Variants in CSMD1 observed in about 807,000 individuals in gnomAD.
CSMD1 encodes CUB and Sushi multiple domains 1, also known as CUB and sushi domain-containing protein 1.
In CSMD1, 213 loss-of-function variants were observed where a neutral mutation model predicts 417.5. The observed-to-expected ratio is 0.51, with a 90% CI of 0.46 to 0.57. The LOEUF (loss-of-function observed/expected upper bound fraction) is 0.57, where lower values mean the gene tolerates loss of function less well. CSMD1 is among the 20% of genes least tolerant of loss of function. The pLI, the probability that CSMD1 is intolerant of heterozygous loss-of-function variation, is 0.00. For missense variants in CSMD1, 6,923 were observed against 4,529.7 expected, an observed-to-expected ratio of 1.53 and a Z score of -15.17; for synonymous variants, 2,862 against 1,736.8, an observed-to-expected ratio of 1.65 and a Z score of -16.11.
At chr8:3,483,237 A>G (rs2117253179) in intron 11 of CSMD1, among the ~76,000 whole-genome samples, 1 of 152,226 alleles carries the variant, frequency 6.6e-6, no homozygotes, top group Non-Finnish European at 1.5e-5. Context: ...AGAAAGTCAG[A>G]AAAAGAGAAA....
rs62489452 is a variant in CSMD1 at position 4,974,288 on chromosome 8, A to G, written c.85+20044T>C. 5.0e-3 allele frequency among the ~76,000 whole-genome samples: 757 copies of G among 152,154 alleles called. 3 individuals carry two copies. Among genetic ancestry groups the G allele is most frequent in the Middle Eastern group, 0.014 (4 of 294 alleles). On this transcript the variant is annotated intron_variant, in intron 1 of 69. Coordinates refer to ENST00000635120, the MANE Select transcript of CSMD1 (RefSeq NM_033225.6). ...TGATCCACCTGTCTCCACCTCCCAA[A>G]GTGCTGGGATTACAGGCGCAAGATT... is the stretch of plus-strand genomic sequence containing the variant.
intron 3 of CSMD1, among the ~76,000 whole-genome samples, chr8:4,153,537 C>G (rs186167471): frequency 9.8e-5 from 15 of 152,344 alleles, no homozygotes; most frequent in African/African-American, 3.4e-4. Flanking sequence ...CAGCTGGTCC[C>G]TCGTCAGCAG....
intron 5 of CSMD1, among the ~76,000 whole-genome samples, chr8:3,925,557 C>T (rs1364098090): frequency 6.6e-6 from 1 of 152,118 alleles, no homozygotes; most frequent in Admixed American, 6.5e-5. Flanking sequence ...GTGAGAGGGA[C>T]CCACGGTGAG....
At chr8:4,556,772 C>A (rs1043909151) in intron 2 of CSMD1, among the ~76,000 whole-genome samples, 1 of 152,136 alleles carries the variant, frequency 6.6e-6, no homozygotes, top group East Asian at 1.9e-4. Context: ...CAAAATGATC[C>A]AAAACACCCA....
At chr8:4,561,624 G>A (rs1214862680) in intron 2 of CSMD1, among the ~76,000 whole-genome samples, 1 of 152,192 alleles carries the variant, frequency 6.6e-6, no homozygotes, top group Non-Finnish European at 1.5e-5. Flanking sequence ...TGAGGCCGCA[G>A]TGAGCCATGA....
chr8:3,923,405 T>C (rs1809418975), intron 5 of CSMD1, among the ~76,000 whole-genome samples: 1 of 152,034 alleles, frequency 6.6e-6, no homozygotes, highest in Non-Finnish European at 1.5e-5. Flanking sequence ...TTTGCTTATT[T>C]TGTCAATTTG....
intron 10 of CSMD1, among the ~76,000 whole-genome samples, chr8:3,573,997 A>G (rs1329229081): frequency 6.6e-6 from 1 of 152,202 alleles, no homozygotes; most frequent in Admixed American, 6.5e-5. Flanking sequence ...AGCCAATGAA[A>G]CATGATTATG....
chr8:3,638,211 A>G (rs2117297065), intron 7 of CSMD1, among the ~76,000 whole-genome samples: 1 of 152,302 alleles, frequency 6.6e-6, no homozygotes, highest in South Asian at 2.1e-4. Flanking sequence ...CTTGGAGTTC[A>G]GAACTGGGCT....
At chr8:3,451,046 T>G (rs1326624019) in intron 12 of CSMD1, among the ~76,000 whole-genome samples, 7 of 152,250 alleles carry the variant, frequency 4.6e-5, no homozygotes, top group Non-Finnish European at 1.0e-4. Context: ...GGTTTTGATT[T>G]GCATTTCTCT....
intron 20 of CSMD1, among the ~76,000 whole-genome samples, chr8:3,364,302 T>C (rs1330878986): frequency 6.6e-6 from 1 of 152,244 alleles, no homozygotes; most frequent in Non-Finnish European, 1.5e-5. Context: ...TCCAAAGTGT[T>C]GTCTTTTGTT....
At chr8:3,629,063 T>G (rs1435983227) in intron 7 of CSMD1, among the ~76,000 whole-genome samples, 1 of 152,104 alleles carries the variant, frequency 6.6e-6, no homozygotes, top group Non-Finnish European at 1.5e-5. Flanking sequence ...AACAGACAGT[T>G]ATCGACACAA....
At chr8:3,400,046 C>G (rs530573269) in intron 15 of CSMD1, among the ~76,000 whole-genome samples, 225 of 152,238 alleles carry the variant, frequency 1.5e-3, no homozygotes, top group South Asian at 4.6e-3. Context: ...ACAAAATGTT[C>G]AATCAAATTT....
At chr8:2,964,365 G>T (rs928189362) in intron 59 of CSMD1, among the ~76,000 whole-genome samples, 2 of 152,226 alleles carry the variant, frequency 1.3e-5, no homozygotes, top group African/African-American at 4.8e-5. Context: ...AGACCCCACA[G>T]CGAGGGCTGG....
intron 5 of CSMD1, among the ~76,000 whole-genome samples, chr8:3,978,637 G>A (rs1251764033): frequency 6.6e-6 from 1 of 152,114 alleles, no homozygotes; most frequent in African/African-American, 2.4e-5. Context: ...CGTCGCTGCT[G>A]TCTCTCCACC....
At chr8:4,332,736 C>G (rs183151654) in intron 3 of CSMD1, among the ~76,000 whole-genome samples, 1 of 151,962 alleles carries the variant, frequency 6.6e-6, no homozygotes, top group East Asian at 1.9e-4. Flanking sequence ...GTGTGAGTTA[C>G]CATTCTTAGA....
chr8:3,919,024 T>G (rs906312713), intron 5 of CSMD1, among the ~76,000 whole-genome samples: 1 of 151,978 alleles, frequency 6.6e-6, no homozygotes, highest in Non-Finnish European at 1.5e-5. Context: ...GAAACACCTA[T>G]GGAAATATTT....
chr8:3,347,484 G>A (rs1808091918), intron 22 of CSMD1, among the ~76,000 whole-genome samples: 1 of 152,142 alleles, frequency 6.6e-6, no homozygotes, highest in Non-Finnish European at 1.5e-5. Context: ...GACCACTGTG[G>A]CTGGATTTAC....
chr8:3,849,536 T>C (rs1254794425), intron 5 of CSMD1, among the ~76,000 whole-genome samples: 1 of 152,170 alleles, frequency 6.6e-6, no homozygotes, highest in Non-Finnish European at 1.5e-5. Flanking sequence ...AATGACGACT[T>C]CAGCAGAAAT....
intron 1 of CSMD1, among the ~76,000 whole-genome samples, chr8:4,649,010 G>T (rs962043895): frequency 6.6e-6 from 1 of 152,128 alleles, no homozygotes; most frequent in Non-Finnish European, 1.5e-5. Flanking sequence ...TATCTATACT[G>T]CGGTTATATA....
Sources: gnomAD v4.1 joint callset for allele counts (sites outside exome capture counted in the v4.1 genomes callset) on GRCh38, gnomAD v4.1.1 for gene constraint, MANE v1.5 for transcripts, NCBI Gene and HGNC (gene_info 2026-07-23, HGNC 2026-07-21) for gene names.